E2F3: variants seen among roughly 807,000 people sequenced by gnomAD.
The protein encoded by E2F3 is E2F transcription factor 3.
E2F3 carries 11 observed loss-of-function variants against 44.4 expected under a neutral mutation model. That is an observed-to-expected ratio of 0.25 (90% CI 0.16 to 0.41). The LOEUF (loss-of-function observed/expected upper bound fraction) is 0.41. E2F3 is among the 10% of genes least tolerant of loss of function. The probability of loss-of-function intolerance (pLI) is 1.00; values close to 1 mark genes in which losing one functional copy is unlikely to be tolerated. For missense variants in E2F3, 487 were observed against 583.6 expected, an observed-to-expected ratio of 0.83 and a Z score of 1.70; for synonymous variants, 249 against 253.0, an observed-to-expected ratio of 0.98 and a Z score of 0.15.
rs1278574891 is a variant in E2F3 at position 20,402,526 on chromosome 6, C to T, written c.294C>T (p.Leu98=). The change falls in exon 1 of 7, where the codon CTC becomes CTT. Residue 98 remains leucine (L), a synonymous_variant. Transcript: ENST00000346618. This position sits in a 1 kb window ranked among gnomAD's most constrained non-coding sequence, Gnocchi z 5.6. ...APGAEQTAGS[L]LYTTPHGPSS... ...GCGCGGAGCAGACCGCCGGCAGCCT[C>T]CTCTACACCACGCCGCACGGACCCT... The T allele has an allele frequency of 1.3e-6, 2 of 1,599,826 alleles. No homozygotes were observed. The highest frequency in any genetic ancestry group is 1.7e-6 in the Non-Finnish European group (2 of 1,178,438).
At chr6:20,420,010 C>T (rs549511809) in intron 1 of E2F3, among the ~76,000 whole-genome samples, 6 of 152,280 alleles carry the variant, frequency 3.9e-5, no homozygotes, top group Admixed American at 6.5e-5. Context: ...GGACTAGTGG[C>T]GCATGCCATC....
At chr6:20,427,419 G>A (rs955204798) in intron 1 of E2F3, among the ~76,000 whole-genome samples, 7 of 152,142 alleles carry the variant, frequency 4.6e-5, no homozygotes, top group Non-Finnish European at 1.0e-4. Flanking sequence ...AAGAAGGGTC[G>A]GCCAGGGCAG....
chr6:20,438,642 A>G (rs1225682638), intron 1 of E2F3, among the ~76,000 whole-genome samples: 2 of 152,166 alleles, frequency 1.3e-5, no homozygotes, highest in Non-Finnish European at 2.9e-5. Flanking sequence ...TCACCACCTT[A>G]AAACAAACCA....
intron 1 of E2F3, among the ~76,000 whole-genome samples, chr6:20,416,120 G>A (rs572119541): frequency 2.0e-5 from 3 of 152,242 alleles, no homozygotes; most frequent in Admixed American, 6.5e-5. Context: ...TGCTGGCTCC[G>A]TCCCTGGCCA....
At position 20,488,161 on chromosome 6, in the gene E2F3, T is replaced by A. The variant is rs1008416992; in HGVS notation, c.1048T>A (p.Leu350Ile). Residue 350 changes from leucine (L) to isoleucine (I), a missense_variant, in exon 6 of 7, where the codon TTA becomes ATA. Physicochemically the swap from Leu to Ile is conservative, Grantham distance 5 (BLOSUM62 2). Coordinates refer to ENST00000346618, the MANE Select transcript of E2F3 (RefSeq NM_001949.5). The stretch of plus-strand genomic sequence containing the variant: ...TACCCAAGGGCCCATTGAGGTTTAC[T>A]TATGTCCAGAAGAGACTGAAACACA... ...ASTQGPIEVY[L>I]CPEETETHSP... The A allele has an allele frequency of 6.2e-7, 1 of 1,614,184 alleles. No homozygotes were observed. The highest frequency in any genetic ancestry group is 8.5e-7 in the Non-Finnish European group (1 of 1,180,034).
intron 1 of E2F3, among the ~76,000 whole-genome samples, chr6:20,408,252 G>T (rs72828437): frequency 2.6e-5 from 4 of 152,268 alleles, no homozygotes; most frequent in Non-Finnish European, 5.9e-5. Flanking sequence ...CGAGGAAAAT[G>T]TATCTTTCAC....
chr6:20,464,649 A>G (rs1277504140), intron 1 of E2F3, among the ~76,000 whole-genome samples: 1 of 152,180 alleles, frequency 6.6e-6, no homozygotes, highest in Non-Finnish European at 1.5e-5. Flanking sequence ...AGCACGTCCA[A>G]TTAATATTGC....
intron 3 of E2F3, among the ~76,000 whole-genome samples, 159 bp from the exon 4 acceptor site, chr6:20,482,597 AAAATAT>A (rs1038714970): frequency 8.4e-6 from 1 of 119,030 alleles, no homozygotes; most frequent in Non-Finnish European, 1.8e-5. Context: ...TATGAAAAAA[AAAATAT>A]ATATATATAT....
intron 1 of E2F3, among the ~76,000 whole-genome samples, chr6:20,475,211 A>G (rs924821495): frequency 3.9e-5 from 6 of 152,214 alleles, no homozygotes; most frequent in African/African-American, 1.4e-4. Flanking sequence ...CTAGCATTCA[A>G]ATTTGGTCAA....
At chr6:20,416,703 CAG>C (rs1408062863) in intron 1 of E2F3, among the ~76,000 whole-genome samples, 10 of 152,088 alleles carry the variant, frequency 6.6e-5, no homozygotes, top group African/African-American at 2.4e-4. Flanking sequence ...GTGTGTGAAT[CAG>C]TGTTTGGGAA....
At chr6:20,472,982 G>A (rs959825447) in intron 1 of E2F3, among the ~76,000 whole-genome samples, 4 of 152,122 alleles carry the variant, frequency 2.6e-5, no homozygotes, top group Non-Finnish European at 5.9e-5. Context: ...GTTTTGCTAC[G>A]ATTTATGGGA....
chr6:20,484,276 G>A (rs1357933811), intron 4 of E2F3, among the ~76,000 whole-genome samples: 1 of 152,192 alleles, frequency 6.6e-6, no homozygotes, highest in Non-Finnish European at 1.5e-5. Context: ...GCACTTTTAA[G>A]TTTGTAAGAT....
At chr6:20,411,942 T>G (rs1415664447) in intron 1 of E2F3, among the ~76,000 whole-genome samples, 2 of 152,206 alleles carry the variant, frequency 1.3e-5, no homozygotes, top group Non-Finnish European at 2.9e-5. Context: ...CAGTGCCCAC[T>G]ACACTATAGG....
rs1242835497 is a variant in E2F3 at position 20,402,607 on chromosome 6, C to T, written c.375C>T (p.Gly125=). ...QPPALGRGGS[G]GGGGPPAKRR... ...CAGCGCTGGGACGCGGCGGCAGCGGCGGCGGCGGCGGCCCTCCGGTAATAC... is the reference window on the plus strand; with the variant it reads ...CAGCGCTGGGACGCGGCGGCAGCGGTGGCGGCGGCGGCCCTCCGGTAATAC... Residue 125 remains glycine (G), a synonymous_variant, in exon 1 of 7, where the codon GGC becomes GGT. Transcript: ENST00000346618. This position sits in a 1 kb window ranked among gnomAD's most constrained non-coding sequence, Gnocchi z 5.6. 9 of 1,335,140 alleles carry T rather than the reference C, an allele frequency of 6.7e-6. No homozygotes were observed. The South Asian group carries it at 1.0e-4, about 15-fold the overall frequency. 82.7% of individuals were successfully genotyped at this position (1,335,140 alleles called of 1,614,324 possible). A position where few individuals can be genotyped will look rare whatever the true frequency, so the allele number is the denominator to read the frequency against.
At chr6:20,451,752 G>A (rs1761139756) in intron 1 of E2F3, among the ~76,000 whole-genome samples, 1 of 152,264 alleles carries the variant, frequency 6.6e-6, no homozygotes, top group Middle Eastern at 3.4e-3. Flanking sequence ...GTAGTTTACT[G>A]AGAATTTTTA....
intron 1 of E2F3, among the ~76,000 whole-genome samples, chr6:20,418,770 A>G (rs1199919083): frequency 6.6e-6 from 1 of 151,826 alleles, no homozygotes; most frequent in Non-Finnish European, 1.5e-5. Flanking sequence ...GAGCATATGG[A>G]CACTGTCATT....
rs976656703 is a variant in E2F3 at position 20,493,173 on chromosome 6, C to G, written c.*2743C>G. ...TTAATTTGTAAACACTGCCAGAATA[C>G]TTTCTAGCTGCTTTGTAATTTTTTA... On this transcript the variant is annotated 3_prime_UTR_variant, in exon 7 of 7. Transcript: ENST00000346618. 1.3e-5 allele frequency: 3 copies of G among 225,344 alleles called. No individual in the cohort carries two copies. Among genetic ancestry groups the G allele is most frequent in the African/African-American group, 6.7e-5 (3 of 44,924 alleles). 14.0% of individuals were successfully genotyped at this position (225,344 alleles called of 1,614,324 possible).
At chr6:20,412,963 T>G (rs1170119089) in intron 1 of E2F3, among the ~76,000 whole-genome samples, 1 of 152,218 alleles carries the variant, frequency 6.6e-6, no homozygotes, top group Non-Finnish European at 1.5e-5. Context: ...TTACTCGCAT[T>G]AGCACATTAT....
chr6:20,462,813 G>T (rs954703062), intron 1 of E2F3, among the ~76,000 whole-genome samples: 5 of 147,754 alleles, frequency 3.4e-5, no homozygotes, highest in Non-Finnish European at 5.9e-5. Context: ...GGCAGGGCAG[G>T]TCTCTCTATC....
Sources: allele counts gnomAD v4.1 joint callset (sites outside exome capture counted in the v4.1 genomes callset), GRCh38; gene constraint gnomAD v4.1.1; non-coding constraint Gnocchi (gnomAD v3.1); transcripts MANE v1.5; gene names NCBI Gene and HGNC (gene_info 2026-07-23, HGNC 2026-07-21).